Variants in SLCO4A1 observed in about 807,000 individuals in gnomAD.
SLCO4A1 encodes colon organic anion transporter.
In SLCO4A1, 51 loss-of-function variants were observed where a neutral mutation model predicts 64.6. The ratio of observed to expected loss-of-function variants is 0.79; its 90% CI spans 0.63 to 1.00. SLCO4A1 has a LOEUF of 1.00. Ranked by LOEUF, SLCO4A1 falls within the 50% of genes least tolerant of loss-of-function variation. The pLI is 0.00. For missense variants in SLCO4A1, 919 were observed against 980.5 expected (o/e 0.94, Z 0.84); for synonymous variants, 471 against 444.9 (o/e 1.06, Z -0.74).
intron 1 of SLCO4A1, chr20:62,650,140 T>G (rs1982197337): frequency 1.3e-5 from 2 of 152,224 alleles, no homozygotes; most frequent in African/African-American, 4.8e-5. Flanking sequence ...TGAGGCTCCA[T>G]CCTTCACTGT....
In SLCO4A1 at chr20:62,668,064, A is replaced by G. The variant is rs1203416251; in HGVS notation, c.1691A>G (p.His564Arg). 5 of 1,613,886 alleles carry G rather than the reference A, an allele frequency of 3.1e-6. No homozygotes were observed. Among genetic ancestry groups the G allele is most frequent in the Non-Finnish European group, 4.2e-6 (5 of 1,180,040 alleles). The change falls in exon 9 of 12, where the codon CAT becomes CGT. Residue 564 changes from histidine (H) to arginine (R), a missense_variant. Physicochemically the swap from His to Arg is conservative, Grantham distance 29. Coordinates refer to ENST00000217159, the MANE Select transcript of SLCO4A1 (RefSeq NM_016354.4). ...CAGAATCTTTCCTCTGGTTTTGGCC[A>G]TGCCACTGCAGGGAAATGCACTTCA... ...IPQNLSSGFG[H>R]ATAGKCTSTC...
In SLCO4A1 at chr20:62,661,444, A is replaced by G. The variant is rs1601646149; in HGVS notation, c.1121+269A>G. On this transcript the variant is annotated intron_variant, in intron 5 of 11. Coordinates refer to ENST00000217159, the MANE Select transcript of SLCO4A1 (RefSeq NM_016354.4). The surrounding 1 kb of genome is among the most constrained non-coding windows in gnomAD (Gnocchi z 5.2). ...CCCAGGGAGCCATCACTTCACTCAT[A>G]CAGTGTGGAGACTCCTGTGGGCTGC... is the stretch of plus-strand genomic sequence containing the variant. Among the ~76,000 whole-genome samples, 1 of 151,902 alleles carries G rather than the reference A, an allele frequency of 6.6e-6. No homozygotes were observed. Among genetic ancestry groups the G allele is most frequent in the Non-Finnish European group, 1.5e-5 (1 of 67,946 alleles).
At chr20:62,675,550 CAG>C (rs752020481), downstream of SLCO4A1, among the ~76,000 whole-genome samples, 12 of 152,208 alleles carry the variant, frequency 7.9e-5, no homozygotes, top group South Asian at 2.1e-4. Flanking sequence ...AGTTGGGACA[CAG>C]GGGCAGAGAG....
Position 62,656,695 on chromosome 20 carries a change from G to A in SLCO4A1, c.241G>A (p.Gly81Arg), listed in dbSNP as rs201056404. 103 of 1,609,696 alleles carry A rather than the reference G, an allele frequency of 6.4e-5. No homozygotes were observed. The highest frequency in any genetic ancestry group is 5.9e-4 in the Admixed American group (35 of 59,708). Reference sequence around the variant, plus strand: ...CCATGAGGTGCGGTACGTCTCGGCCGGGCAGAGCGTGGCGTGCGGCTGGTG... The same window carrying A: ...CCATGAGGTGCGGTACGTCTCGGCCAGGCAGAGCGTGGCGTGCGGCTGGTG... ...GTHEVRYVSA[G>R]QSVACGWWAF... Residue 81 changes from glycine (G) to arginine (R), a missense_variant, in exon 2 of 12, where the codon GGG (glycine) becomes AGG (arginine). Transcript: ENST00000217159.
intron 2 of SLCO4A1, among the ~76,000 whole-genome samples, chr20:62,682,078 C>T (rs895290393): frequency 2.0e-5 from 3 of 152,182 alleles, no homozygotes; most frequent in Non-Finnish European, 1.5e-5. Flanking sequence ...ACCGCATGCC[C>T]GGGAGACTGC....
intron 2 of SLCO4A1, among the ~76,000 whole-genome samples, chr20:62,681,380 C>A (rs1415434484): frequency 6.6e-6 from 1 of 152,060 alleles, no homozygotes; most frequent in Non-Finnish European, 1.5e-5. Flanking sequence ...CACTCGTGTG[C>A]GTGTGTATTA....
intron 2 of SLCO4A1, among the ~76,000 whole-genome samples, chr20:62,682,647 G>A (rs1318619330): frequency 4.4e-5 from 3 of 67,842 alleles, no homozygotes; most frequent in Non-Finnish European, 6.6e-5. Context: ...GTGACCATGT[G>A]ACCACACACA....
chr20:62,679,057 G>A (rs537687891), intron 2 of SLCO4A1, among the ~76,000 whole-genome samples: 6 of 152,210 alleles, frequency 3.9e-5, no homozygotes, highest in African/African-American at 1.4e-4. Flanking sequence ...CATCTCTACT[G>A]AAAATACAAA....
rs1230567520 is a variant in SLCO4A1 at position 62,685,427 on chromosome 20, G to GT, written n.212-7dup. Reference sequence around the variant, plus strand: ...GGGCTGTTTTCTTGCTTTGTTTGTTGTTTTTTTCTTAAGGAAGAAGAGAAT... The same window carrying GT: ...GGGCTGTTTTCTTGCTTTGTTTGTTGTTTTTTTTCTTAAGGAAGAAGAGAAT... On this transcript the variant is annotated splice_polypyrimidine_tract_variant and intron_variant and non_coding_transcript_variant, in intron 2 of 2. Coordinates refer to the SLCO4A1 transcript ENST00000466818. This position sits in a 1 kb window ranked among gnomAD's most constrained non-coding sequence, Gnocchi z 4.6. The GT allele has an allele frequency of 1.0e-6, 1 of 984,956 alleles. No homozygotes were observed. Among genetic ancestry groups the GT allele is most frequent in the Non-Finnish European group, 1.2e-6 (1 of 829,494 alleles). 61.0% of individuals were successfully genotyped at this position (984,956 alleles called of 1,614,324 possible).
rs963255838 is a variant in SLCO4A1 at position 62,645,940 on chromosome 20, G to A, written c.-97+3387G>A. Among the ~76,000 whole-genome samples, 2 of 152,046 alleles carry A rather than the reference G, an allele frequency of 1.3e-5. No homozygotes were observed. The highest frequency in any genetic ancestry group is 4.8e-5 in the African/African-American group (2 of 41,396). On this transcript the variant is annotated intron_variant, in intron 1 of 11. Transcript: ENST00000217159. The surrounding 1 kb of genome is among the most constrained non-coding windows in gnomAD (Gnocchi z 4.2). ...GCGTGTGTCGTCCAGTCTGCCCCAG[G>A]CTCACTTGGGGCCCTTGCATTTGCC...
intron 9 of SLCO4A1, 41 bp from the exon 10 acceptor site, chr20:62,668,436 C>T: frequency 6.2e-7 from 1 of 1,607,440 alleles, no homozygotes; most frequent in Non-Finnish European, 8.5e-7. Context: ...GGCATGCAAC[C>T]CCACTTCTGT....
At chr20:62,668,853 A>G in intron 10 of SLCO4A1, 77 bp from the exon 11 acceptor site, 1 of 1,434,696 alleles carries the variant, frequency 7.0e-7, no homozygotes, top group South Asian at 1.3e-5. Flanking sequence ...CCATCATTCC[A>G]GGCCTCTTGG....
Position 62,656,776 on chromosome 20 carries a change from T to C in SLCO4A1, c.322T>C (p.Phe108Leu). Residue 108 changes from phenylalanine (F) to leucine (L), a missense_variant, in exon 2 of 12, where the codon TTC (phenylalanine) becomes CTC (leucine). Physicochemically the swap from Phe to Leu is conservative, Grantham distance 22. Transcript: ENST00000217159. ...CAACACGCCCAAGGGCATCCTGTTCTTCCTGTGTGCGGCCGCATTCCTGCA... is the reference window on the plus strand; with the variant it reads ...CAACACGCCCAAGGGCATCCTGTTCCTCCTGTGTGCGGCCGCATTCCTGCA... ...VLNTPKGILF[F>L]LCAAAFLQGM... 1.2e-6 allele frequency: 2 copies of C among 1,612,804 alleles called. No homozygotes were observed. The highest frequency in any genetic ancestry group is 1.1e-5 in the South Asian group (1 of 91,078).
downstream of SLCO4A1, among the ~76,000 whole-genome samples, chr20:62,675,959 C>T (rs899934968): frequency 1.3e-5 from 2 of 152,164 alleles, no homozygotes; most frequent in African/African-American, 4.8e-5. Context: ...ACTTGGTTTT[C>T]CCTCGAGAGA....
rs1987316010 is a variant in SLCO4A1, at chr20:62,672,163, T to C, written c.*270T>C. On this transcript the variant is annotated 3_prime_UTR_variant, in exon 12 of 12. Coordinates refer to ENST00000217159, the MANE Select transcript of SLCO4A1 (RefSeq NM_016354.4). Reference sequence around the variant, plus strand: ...GTGTTTTATACCCGATCGTGTGTGGTGTGCGTGAGGACAAACTCCGCAGGG... The same window carrying C: ...GTGTTTTATACCCGATCGTGTGTGGCGTGCGTGAGGACAAACTCCGCAGGG... 1.5e-6 allele frequency: 2 copies of C among 1,350,998 alleles called. No homozygotes were observed. Among genetic ancestry groups the C allele is most frequent in the Non-Finnish European group, 1.9e-6 (2 of 1,045,520 alleles). 83.7% of individuals were successfully genotyped at this position (1,350,998 alleles called of 1,614,324 possible). A position where few individuals can be genotyped will look rare whatever the true frequency, so the allele number is the denominator to read the frequency against.
At chr20:62,652,896 G>A (rs1169620548) in intron 1 of SLCO4A1, among the ~76,000 whole-genome samples, 1 of 152,240 alleles carries the variant, frequency 6.6e-6, no homozygotes, top group Non-Finnish European at 1.5e-5. Flanking sequence ...AGCGTGCACG[G>A]CTCTTTCAGT....
downstream of SLCO4A1, among the ~76,000 whole-genome samples, chr20:62,673,468 C>T (rs545914537): frequency 2.1e-5 from 3 of 143,804 alleles, 1 homozygote; most frequent in East Asian, 4.1e-4. Flanking sequence ...AGTGACCTGC[C>T]TCCTCCGGGT....
chr20:62,669,014 C>T lies in SLCO4A1; in HGVS notation c.1961C>T (p.Ser654Phe), dbSNP rs1169021775. 6.2e-6 allele frequency: 10 copies of T among 1,611,232 alleles called. No individual in the cohort carries two copies. Among genetic ancestry groups the T allele is most frequent in the Admixed American group, 3.3e-5 (2 of 60,026 alleles). Reference sequence around the variant, plus strand: ...CAGGACCAGTGTGGCCAGCAGGGCTCCTGCTTGGTGTACCAGAATTCGGCC... The same window carrying T: ...CAGGACCAGTGTGGCCAGCAGGGCTTCTGCTTGGTGTACCAGAATTCGGCC... ...LWQDQCGQQG[S>F]CLVYQNSAMS... is the part of the protein sequence containing the mutation. Residue 654 changes from serine (S) to phenylalanine (F), a missense_variant, in exon 11 of 12, where the codon TCC becomes TTC. Coordinates refer to ENST00000217159, the MANE Select transcript of SLCO4A1 (RefSeq NM_016354.4).
rs1601637134 is a variant in SLCO4A1 at position 62,658,547 on chromosome 20, C to T, written c.797-130C>T. ...CACAGACTCATCTAACTTAAAGAGGCCCATGAGGGGAGTGGGCCGGAGATG... is the reference window on the plus strand; with the variant it reads ...CACAGACTCATCTAACTTAAAGAGGTCCATGAGGGGAGTGGGCCGGAGATG... On this transcript the variant is annotated intron_variant, in intron 2 of 11. Transcript: ENST00000217159. 4 of 679,162 alleles carry T rather than the reference C, an allele frequency of 5.9e-6. No individual in the cohort carries two copies. In the South Asian group the frequency reaches 7.0e-5, roughly 12 times the overall value. The allele number at this position is 679,162 out of a possible 1,614,324, so 42.1% of individuals were successfully genotyped here.
Sources: gnomAD v4.1 joint callset for allele counts (sites outside exome capture counted in the v4.1 genomes callset) on GRCh38, gnomAD v4.1.1 for gene constraint, Gnocchi (gnomAD v3.1) non-coding constraint, MANE v1.5 for transcripts, NCBI Gene and HGNC (gene_info 2026-07-23, HGNC 2026-07-21) for gene names.